Variants in ARHGAP6 observed in about 807,000 individuals in gnomAD.
The protein encoded by ARHGAP6 is rho GTPase-activating protein 6.
In ARHGAP6, 16 loss-of-function variants were observed where a neutral mutation model predicts 55.7. That is an observed-to-expected ratio of 0.29 (90% CI 0.19 to 0.44). ARHGAP6 has a LOEUF of 0.44. Among genes scored for constraint, ARHGAP6 ranks in the 20% least tolerant of loss-of-function variants. ARHGAP6 has a pLI of 1.00. For synonymous variants in ARHGAP6, 382 were observed against 360.9 expected (o/e 1.06, Z -0.66); for missense variants, 698 against 808.9 (o/e 0.86, Z 1.66).
At chrX:11,272,731 C>T (rs940890579) in intron 1 of ARHGAP6, among the ~76,000 whole-genome samples, 1 of 111,965 alleles carries the variant, frequency 8.9e-6, no homozygotes, top group Non-Finnish European at 1.9e-5. Context: ...TTGTTTTTCA[C>T]GTGCACAGGC....
intron 1 of ARHGAP6, among the ~76,000 whole-genome samples, chrX:11,639,658 T>A (rs2052453579): frequency 9.0e-6 from 1 of 111,142 alleles, no homozygotes; most frequent in African/African-American, 3.3e-5. Flanking sequence ...GGGACTTCAT[T>A]TTTGTTATAT....
rs1324903771 is a variant in ARHGAP6, at chrX:11,144,179, G to C, written c.1977C>G (p.Asn659Lys). The change falls in exon 11 of 13, where the codon AAC becomes AAG. Residue 659 changes from asparagine (N) to lysine (K), a missense_variant. Asn to Lys is a moderately conservative substitution (Grantham distance 94). Coordinates refer to ENST00000337414, the MANE Select transcript of ARHGAP6 (RefSeq NM_013427.3). ...GGGAGATGTCTCCGCTGGAGGCCTT[G>C]TTGGAGTCTGTAGATGAATGCCTCC... ...VGGRHSSTDS[N>K]KASSGDISPY... 1 of 1,210,339 alleles carries C rather than the reference G, an allele frequency of 8.3e-7. No homozygotes were observed. The highest frequency in any genetic ancestry group is 1.1e-6 in the Non-Finnish European group (1 of 895,285).
intron 1 of ARHGAP6, among the ~76,000 whole-genome samples, chrX:11,576,236 G>C (rs1432331725): frequency 8.9e-6 from 1 of 111,750 alleles, no homozygotes; most frequent in Non-Finnish European, 1.9e-5. Flanking sequence ...GGGTGATACT[G>C]TCACTTTATT....
intron 10 of ARHGAP6, among the ~76,000 whole-genome samples, chrX:11,146,111 G>A (rs927218862): frequency 3.6e-5 from 4 of 112,310 alleles, no homozygotes; most frequent in Non-Finnish European, 7.5e-5. Context: ...TTAGGAGAAG[G>A]AGGAAGGGTG....
intron 1 of ARHGAP6, among the ~76,000 whole-genome samples, chrX:11,626,310 T>C (rs908432093): frequency 1.8e-5 from 2 of 111,635 alleles, no homozygotes; most frequent in African/African-American, 6.5e-5. Flanking sequence ...TCAGAGAAAT[T>C]CAATTGTCAA....
intron 1 of ARHGAP6, among the ~76,000 whole-genome samples, chrX:11,312,048 T>C (rs1382232822): frequency 8.9e-6 from 1 of 111,978 alleles, no homozygotes; most frequent in African/African-American, 3.2e-5. Context: ...CTGTGTGGGA[T>C]TGGAAAAACT....
At chrX:11,629,679 C>T (rs1379802254) in intron 1 of ARHGAP6, among the ~76,000 whole-genome samples, 4 of 110,658 alleles carry the variant, frequency 3.6e-5, no homozygotes, top group Non-Finnish European at 7.5e-5. Flanking sequence ...AAAGGCATTG[C>T]CTCTGTATCC....
chrX:11,316,717 C>T (rs2048363486), intron 1 of ARHGAP6, among the ~76,000 whole-genome samples: 1 of 112,179 alleles, frequency 8.9e-6, no homozygotes, highest in East Asian at 2.8e-4. Context: ...ACCCTCAGCC[C>T]CACCCCCAGG....
chrX:11,226,609 T>G (rs145334052), intron 2 of ARHGAP6, among the ~76,000 whole-genome samples: 1,677 of 112,293 alleles, frequency 0.015, 22 homozygotes, highest in East Asian at 0.056. Flanking sequence ...TGATACTTTA[T>G]GAATACATTA....
intron 1 of ARHGAP6, among the ~76,000 whole-genome samples, chrX:11,482,074 T>C (rs1271822116): frequency 9.0e-6 from 1 of 110,845 alleles, no homozygotes; most frequent in Non-Finnish European, 1.9e-5. Flanking sequence ...CCACCAGGAG[T>C]GGTTTTAACA....
intron 6 of ARHGAP6, among the ~76,000 whole-genome samples, chrX:11,181,673 T>C (rs1391616127): frequency 8.9e-6 from 1 of 112,779 alleles, no homozygotes; most frequent in Non-Finnish European, 1.9e-5. Flanking sequence ...AAACATAGCA[T>C]CTTATGTGAA....
intron 1 of ARHGAP6, among the ~76,000 whole-genome samples, chrX:11,528,388 A>G (rs1015192363): frequency 8.9e-6 from 1 of 112,031 alleles, no homozygotes; most frequent in African/African-American, 3.2e-5. Context: ...CAGCTTACCA[A>G]GGGCATATGT....
At chrX:11,587,970 G>A (rs6654943) in intron 1 of ARHGAP6, among the ~76,000 whole-genome samples, 3 of 111,103 alleles carry the variant, frequency 2.7e-5, no homozygotes, top group Non-Finnish European at 3.8e-5. Context: ...ACCCCTCTGC[G>A]TTCTCCATGA....
At position 11,139,113 on chromosome X, in the gene ARHGAP6, G is replaced by T. The variant is rs1436350688; in HGVS notation, c.2675C>A (p.Ala892Glu). 2 of 1,204,202 alleles carry T rather than the reference G, an allele frequency of 1.7e-6. No individual in the cohort carries two copies. Among genetic ancestry groups the T allele is most frequent in the Non-Finnish European group, 2.2e-6 (2 of 892,498 alleles). ...PPYPGPGKPA[A>E]AAAWIQGPPE... ...GGGCCCCTGGATCCAGGCTGCCGCT[G>T]CCGCGGGCTTCCCTGGGCCCGGGTA... The change falls in exon 13 of 13, where the codon GCA becomes GAA. Residue 892 changes from alanine (A) to glutamate (E), a missense_variant. Transcript: ENST00000337414.
At chrX:11,575,465 A>G (rs2051585126) in intron 1 of ARHGAP6, among the ~76,000 whole-genome samples, 1 of 111,784 alleles carries the variant, frequency 8.9e-6, no homozygotes, top group African/African-American at 3.3e-5. Context: ...ATGAATTTAG[A>G]ACTGGCTTAG....
intron 1 of ARHGAP6, among the ~76,000 whole-genome samples, chrX:11,321,799 G>A (rs1018730245): frequency 8.9e-6 from 1 of 111,779 alleles, no homozygotes; most frequent in South Asian, 3.7e-4. Context: ...CAGGAATGGC[G>A]CACTTTCATC....
intron 1 of ARHGAP6, among the ~76,000 whole-genome samples, chrX:11,381,473 C>T (rs190609001): frequency 1.4e-3 from 155 of 111,951 alleles, no homozygotes; most frequent in Non-Finnish European, 6.2e-4. Context: ...TCCCTTTCAT[C>T]CCAACGACCA....
At chrX:11,263,309 A>G (rs938883731) in intron 1 of ARHGAP6, among the ~76,000 whole-genome samples, 3 of 111,364 alleles carry the variant, frequency 2.7e-5, no homozygotes, top group Non-Finnish European at 5.7e-5. Context: ...CAAGTTACCC[A>G]AGGGCATTAC....
intron 1 of ARHGAP6, among the ~76,000 whole-genome samples, chrX:11,311,549 A>G (rs1273103916): frequency 1.8e-5 from 2 of 111,716 alleles, no homozygotes; most frequent in Non-Finnish European, 3.8e-5. Context: ...TTTTTGGCCA[A>G]TATGTAACTT....
Sources: allele counts gnomAD v4.1 joint callset (sites outside exome capture counted in the v4.1 genomes callset), GRCh38; gene constraint gnomAD v4.1.1; transcripts MANE v1.5; gene names NCBI Gene and HGNC (gene_info 2026-07-23, HGNC 2026-07-21).